The following LRRTM4 variants were observed in gnomAD, a reference collection of about 807,000 sequenced individuals.
LRRTM4 encodes the protein leucine-rich repeat transmembrane neuronal protein 4.
LRRTM4 carries 25 observed loss-of-function variants against 47.6 expected under a neutral mutation model. The ratio of observed to expected loss-of-function variants is 0.53; its 90% CI spans 0.38 to 0.73. The LOEUF is 0.73. Ranked by LOEUF, LRRTM4 falls within the 30% of genes least tolerant of loss-of-function variation. LRRTM4 has a pLI of 0.00. For missense variants in LRRTM4, 638 were observed against 713.4 expected, an observed-to-expected ratio of 0.89 and a Z score of 1.20; for synonymous variants, 311 against 269.5, an observed-to-expected ratio of 1.15 and a Z score of -1.51.
At chr2:77,517,769 G>C in intron 3 of LRRTM4, 3 of 984,728 alleles carry the variant, frequency 3.0e-6, no homozygotes, top group South Asian at 9.4e-5. Flanking sequence ...CTCTATGCTG[G>C]TATAATAACT....
chr2:77,264,091 T>A (rs1356749341), intron 3 of LRRTM4, among the ~76,000 whole-genome samples: 1 of 152,034 alleles, frequency 6.6e-6, no homozygotes, highest in Non-Finnish European at 1.5e-5. Context: ...GAATTGCATA[T>A]GGGAAAGTGT....
At chr2:77,043,717 A>C (rs910660589) in intron 3 of LRRTM4, among the ~76,000 whole-genome samples, 2 of 151,790 alleles carry the variant, frequency 1.3e-5, no homozygotes, top group Admixed American at 1.3e-4. Flanking sequence ...ATGAATCGGG[A>C]CTAGTCTAAT....
intron 3 of LRRTM4, among the ~76,000 whole-genome samples, chr2:77,374,351 A>G (rs1324437496): frequency 1.3e-5 from 2 of 151,862 alleles, no homozygotes; most frequent in Non-Finnish European, 2.9e-5. Context: ...ATTTCTCTCC[A>G]TATTTCACAA....
intron 3 of LRRTM4, among the ~76,000 whole-genome samples, chr2:76,894,782 A>G (rs748458189): frequency 2.0e-5 from 3 of 151,960 alleles, no homozygotes; most frequent in Non-Finnish European, 4.4e-5. Flanking sequence ...TATTTATCAC[A>G]TATAATTTGC....
In LRRTM4 at chr2:77,431,314, G is replaced by C. The variant is rs375758969; in HGVS notation, c.1551+87004C>G. Among the ~76,000 whole-genome samples the C allele has an allele frequency of 9.4e-5, 14 of 148,598 alleles. No individual in the cohort carries two copies. In the East Asian group the frequency reaches 2.1e-3, roughly 23 times the overall value. On this transcript the variant is annotated intron_variant, in intron 3 of 3. Transcript: ENST00000409884. ...AGCTGGAAAGTACAAATTCAAGAAA[G>C]GGTGAGCAAGCTTCCCAAAGCCTCT...
chr2:77,061,078 A>G (rs915265476), intron 3 of LRRTM4, among the ~76,000 whole-genome samples: 1 of 151,442 alleles, frequency 6.6e-6, no homozygotes, highest in African/African-American at 2.4e-5. Context: ...TCCTTGATTT[A>G]TTTCTAACTC....
chr2:77,344,948 C>T (rs535889463), intron 3 of LRRTM4, among the ~76,000 whole-genome samples: 1 of 151,506 alleles, frequency 6.6e-6, no homozygotes, highest in South Asian at 2.1e-4. Flanking sequence ...ATGATCAATT[C>T]TTTCTAGACT....
At chr2:77,396,014 C>T (rs1305246517) in intron 3 of LRRTM4, among the ~76,000 whole-genome samples, 1 of 151,732 alleles carries the variant, frequency 6.6e-6, no homozygotes, top group Non-Finnish European at 1.5e-5. Context: ...ATTTTTCAGG[C>T]TTGGAATTAA....
intron 3 of LRRTM4, among the ~76,000 whole-genome samples, chr2:76,832,383 A>G (rs1671379016): frequency 6.6e-6 from 1 of 151,772 alleles, no homozygotes; most frequent in Non-Finnish European, 1.5e-5. Context: ...CTGGCCACCA[A>G]GTGAACTGCA....
At chr2:77,247,657 C>T (rs1192577558) in intron 3 of LRRTM4, among the ~76,000 whole-genome samples, 2 of 152,034 alleles carry the variant, frequency 1.3e-5, no homozygotes, top group African/African-American at 2.4e-5. Flanking sequence ...GTGCTCATTA[C>T]TCTGCCAACA....
intron 3 of LRRTM4, among the ~76,000 whole-genome samples, chr2:76,944,349 T>G (rs72823105): frequency 0.017 from 2,514 of 152,266 alleles, 60 homozygotes; most frequent in East Asian, 0.083. Flanking sequence ...CATGGTACTG[T>G]ACTTCCCTTA....
At chr2:76,926,816 G>A (rs1674602998) in intron 3 of LRRTM4, among the ~76,000 whole-genome samples, 1 of 152,054 alleles carries the variant, frequency 6.6e-6, no homozygotes, top group Non-Finnish European at 1.5e-5. Context: ...CCAGGCTGTA[G>A]TATTCTGTTA....
At chr2:77,184,133 T>G (rs1228467945) in intron 3 of LRRTM4, among the ~76,000 whole-genome samples, 1 of 151,644 alleles carries the variant, frequency 6.6e-6, no homozygotes, top group Non-Finnish European at 1.5e-5. Context: ...TCAGAATATA[T>G]CTAGTAAAGT....
At chr2:76,972,698 G>T (rs747586316) in intron 3 of LRRTM4, among the ~76,000 whole-genome samples, 2 of 151,960 alleles carry the variant, frequency 1.3e-5, no homozygotes, top group African/African-American at 2.4e-5. Flanking sequence ...GGGATTACAG[G>T]TATGATCCAC....
At chr2:77,159,068 C>A (rs1005341514) in intron 3 of LRRTM4, among the ~76,000 whole-genome samples, 2 of 152,098 alleles carry the variant, frequency 1.3e-5, no homozygotes, top group Non-Finnish European at 1.5e-5. Context: ...AATTTGATGA[C>A]ATTTTATTAT....
intron 3 of LRRTM4, among the ~76,000 whole-genome samples, chr2:76,958,294 T>TCA (rs1675742136): frequency 1.3e-5 from 2 of 151,760 alleles, no homozygotes; most frequent in Non-Finnish European, 1.5e-5. Flanking sequence ...ACAGAAACTC[T>TCA]TGATTGCTGA....
intron 3 of LRRTM4, among the ~76,000 whole-genome samples, chr2:76,796,179 C>A (rs1675310103): frequency 7.0e-6 from 1 of 143,836 alleles, no homozygotes; most frequent in East Asian, 2.0e-4. Flanking sequence ...CCCACAGAGC[C>A]TCGCTGATTG....
intron 3 of LRRTM4, among the ~76,000 whole-genome samples, chr2:77,115,239 C>T (rs1237588304): frequency 2.0e-5 from 3 of 152,180 alleles, no homozygotes; most frequent in East Asian, 1.9e-4. Flanking sequence ...CTATTCTGCT[C>T]GACCCCGCAG....
intron 3 of LRRTM4, among the ~76,000 whole-genome samples, chr2:76,780,673 A>C (rs1674324938): frequency 6.6e-6 from 1 of 152,006 alleles, no homozygotes; most frequent in Admixed American, 6.5e-5. Flanking sequence ...AATTTTTTTC[A>C]AAGTTTTCAA....
Sources: gnomAD v4.1 joint callset for allele counts (sites outside exome capture counted in the v4.1 genomes callset) on GRCh38, gnomAD v4.1.1 for gene constraint, MANE v1.5 for transcripts, NCBI Gene and HGNC (gene_info 2026-07-23, HGNC 2026-07-21) for gene names.